FYN: variants seen among roughly 807,000 people sequenced by gnomAD.
FYN encodes the protein FYN proto-oncogene, Src family tyrosine kinase.
A neutral mutation model predicts 70.2 loss-of-function variants in FYN; 10 were observed. That is an observed-to-expected ratio of 0.14 (90% CI 0.09 to 0.24). FYN has a LOEUF of 0.24. Among genes scored for constraint, FYN ranks in the 10% least tolerant of loss-of-function variants. FYN has a pLI of 1.00. For synonymous variants in FYN, 236 were observed against 248.6 expected, an observed-to-expected ratio of 0.95 and a Z score of 0.48; for missense variants, 319 against 673.1, an observed-to-expected ratio of 0.47 and a Z score of 5.82.
intron 4 of FYN, 127 bp from the exon 5 acceptor site, chr6:111,714,570 G>T: frequency 1.4e-6 from 1 of 714,998 alleles, no homozygotes; most frequent in Non-Finnish European, 2.4e-6. Flanking sequence ...ACATGATGAA[G>T]TGTTGTAATT....
At chr6:111,745,499 A>G (rs569646068) in intron 3 of FYN, among the ~76,000 whole-genome samples, 7 of 152,170 alleles carry the variant, frequency 4.6e-5, no homozygotes, top group Non-Finnish European at 1.0e-4. Context: ...TTACAAAGGC[A>G]TGGATTCAGG....
At chr6:111,683,555 T>C (rs1798862596) in intron 12 of FYN, among the ~76,000 whole-genome samples, 1 of 152,148 alleles carries the variant, frequency 6.6e-6, no homozygotes, top group Non-Finnish European at 1.5e-5. Flanking sequence ...TGTGCCCTAA[T>C]AGCATTTTCA....
intron 3 of FYN, among the ~76,000 whole-genome samples, chr6:111,773,264 TA>T (rs1803520128): frequency 1.1e-5 from 1 of 87,646 alleles, no homozygotes; most frequent in Admixed American, 1.4e-4. Flanking sequence ...TTTTCCAAAA[TA>T]AAAAGTTGGG....
intron 3 of FYN, among the ~76,000 whole-genome samples, chr6:111,739,097 C>T (rs1338146111): frequency 1.3e-5 from 2 of 152,100 alleles, no homozygotes; most frequent in Non-Finnish European, 2.9e-5. Context: ...CTGAAGTGAC[C>T]CCAGGGCAAA....
At chr6:111,676,679 T>C (rs1798541550) in intron 12 of FYN, 1 of 152,218 alleles carries the variant, frequency 6.6e-6, no homozygotes, top group South Asian at 2.1e-4. Flanking sequence ...ATTTAAACCA[T>C]CTCTTGAGCC....
intron 13 of FYN, among the ~76,000 whole-genome samples, chr6:111,667,575 A>G (rs1798067925): frequency 6.6e-6 from 1 of 152,144 alleles, no homozygotes; most frequent in Admixed American, 6.5e-5. Context: ...TTCTATAGGG[A>G]AGGAATAAAA....
intron 13 of FYN, 65 bp downstream of exon 13, chr6:111,674,433 GT>G: frequency 6.5e-7 from 1 of 1,533,418 alleles, no homozygotes; most frequent in Non-Finnish European, 8.8e-7. Context: ...AGTGGATGAA[GT>G]TTTCCCAAAT....
intron 2 of FYN, among the ~76,000 whole-genome samples, chr6:111,839,190 T>C (rs1773279111): frequency 6.6e-6 from 1 of 152,176 alleles, no homozygotes; most frequent in South Asian, 2.1e-4. Flanking sequence ...CTCTGTACTA[T>C]GTCTTACCAG....
rs190641999 is a variant in FYN at position 111,828,016 on chromosome 6, C to T, written c.-82+18573G>A. Reference sequence around the variant, plus strand: ...CAGCACCACAATGGCCGCTTCACTCCGTGTCAAGTTGACAGTGTTGTTCTA... The same window carrying T: ...CAGCACCACAATGGCCGCTTCACTCTGTGTCAAGTTGACAGTGTTGTTCTA... On this transcript the variant is annotated intron_variant, in intron 2 of 13. Transcript: ENST00000354650. 1.5e-4 allele frequency among the ~76,000 whole-genome samples: 23 copies of T among 152,286 alleles called. No homozygotes were observed. In the East Asian group the frequency reaches 3.1e-3, roughly 20 times the overall value.
intron 12 of FYN, among the ~76,000 whole-genome samples, chr6:111,688,873 GC>G (rs1799168424): frequency 6.6e-6 from 1 of 152,102 alleles, no homozygotes; most frequent in Non-Finnish European, 1.5e-5. Flanking sequence ...GGGTGAGGGG[GC>G]CCTTGGAGCA....
intron 12 of FYN, among the ~76,000 whole-genome samples, chr6:111,682,083 G>A (rs1000163911): frequency 1.3e-5 from 2 of 152,178 alleles, no homozygotes; most frequent in Non-Finnish European, 2.9e-5. Context: ...CCTAAGGCTG[G>A]TTAAACAGCA....
intron 3 of FYN, among the ~76,000 whole-genome samples, chr6:111,757,422 T>C (rs943788192): frequency 4.6e-5 from 7 of 152,184 alleles, no homozygotes; most frequent in Non-Finnish European, 1.0e-4. Context: ...ATGGAAAAAT[T>C]TCACTTAAAA....
intron 2 of FYN, among the ~76,000 whole-genome samples, chr6:111,828,143 G>C (rs1458273171): frequency 2.0e-5 from 3 of 152,070 alleles, no homozygotes; most frequent in Admixed American, 6.6e-5. Context: ...CCTTGGGCTG[G>C]AAACTTAATG....
At chr6:111,789,239 T>G (rs1033161709) in intron 2 of FYN, among the ~76,000 whole-genome samples, 1 of 152,182 alleles carries the variant, frequency 6.6e-6, no homozygotes, top group African/African-American at 2.4e-5. Flanking sequence ...TATAAGCTCA[T>G]GCTCAGCTGC....
intron 2 of FYN, among the ~76,000 whole-genome samples, chr6:111,811,159 G>C (rs1772313044): frequency 6.6e-6 from 1 of 152,160 alleles, no homozygotes; most frequent in South Asian, 2.1e-4. Flanking sequence ...AACTCTAGGA[G>C]CTCAGTTTTA....
At chr6:111,760,088 C>G (rs1802936443) in intron 3 of FYN, among the ~76,000 whole-genome samples, 1 of 151,968 alleles carries the variant, frequency 6.6e-6, no homozygotes, top group Admixed American at 6.6e-5. Context: ...GAAGTGTCAT[C>G]ATCATCACGA....
At chr6:111,675,009 G>C (rs1377733149) in intron 12 of FYN, among the ~76,000 whole-genome samples, 1 of 152,082 alleles carries the variant, frequency 6.6e-6, no homozygotes, top group Non-Finnish European at 1.5e-5. Flanking sequence ...GTCTCACTGG[G>C]TACACAAAAC....
chr6:111,725,883 G>A (rs1347204782), intron 3 of FYN, among the ~76,000 whole-genome samples: 1 of 152,174 alleles, frequency 6.6e-6, no homozygotes, highest in East Asian at 1.9e-4. Context: ...TTGTTATTTG[G>A]CACAGCCGAC....
At chr6:111,742,929 C>T (rs1802042913) in intron 3 of FYN, among the ~76,000 whole-genome samples, 1 of 151,602 alleles carries the variant, frequency 6.6e-6, no homozygotes. Flanking sequence ...TGAGAAAGTG[C>T]TATAAATATT....
Sources: gnomAD v4.1 joint callset for allele counts (sites outside exome capture counted in the v4.1 genomes callset) on GRCh38, gnomAD v4.1.1 for gene constraint, MANE v1.5 for transcripts, NCBI Gene and HGNC (gene_info 2026-07-23, HGNC 2026-07-21) for gene names.